The following COL7A1 variants were observed in gnomAD, a reference collection of about 807,000 sequenced individuals.
The protein encoded by COL7A1 is collagen alpha-1(VII) chain.
Under a neutral mutation model 456.2 loss-of-function variants are expected in COL7A1, and 296 were observed. That is an observed-to-expected ratio of 0.65 (90% CI 0.59 to 0.71). COL7A1 has a LOEUF of 0.71. Among genes scored for constraint, COL7A1 ranks in the 30% least tolerant of loss-of-function variants. The probability of loss-of-function intolerance (pLI) is 0.00; values close to 1 mark genes in which losing one functional copy is unlikely to be tolerated. For missense variants in COL7A1, 3,441 were observed against 4,017.2 expected, an observed-to-expected ratio of 0.86 and a Z score of 3.88; for synonymous variants, 1,464 against 1,525.9, an observed-to-expected ratio of 0.96 and a Z score of 0.95.
Position 48,567,140 on chromosome 3 carries a change from C to T in COL7A1, c.8097G>A (p.Glu2699=), listed in dbSNP as rs2043643291. ...GQPGPKGDQG[E]KGERGTPGIG... The stretch of plus-strand genomic sequence containing the variant: ...GGCTTCAACTCACCCGCTCCCCTTT[C>T]TCGCCCTGGTCACCCTTGGGGCCTG... The change falls in exon 110 of 119, where the codon GAG becomes GAA. Residue 2699 remains glutamate (E), a synonymous_variant. Transcript: ENST00000681320. This position sits in a 1 kb window ranked among gnomAD's most constrained non-coding sequence, Gnocchi z 4.3. 1 of 1,614,092 alleles carries T rather than the reference C, an allele frequency of 6.2e-7. No individual in the cohort carries two copies. Among genetic ancestry groups the T allele is most frequent in the Non-Finnish European group, 8.5e-7 (1 of 1,179,984 alleles).
chr3:48,585,723 T>C lies in COL7A1; in HGVS notation c.3798A>G (p.Gly1266=). The C allele has an allele frequency of 6.2e-7, 1 of 1,613,976 alleles. No homozygotes were observed. Among genetic ancestry groups the C allele is most frequent in the Non-Finnish European group, 8.5e-7 (1 of 1,179,998 alleles). Residue 1266 remains glycine (G), a synonymous_variant, in exon 31 of 119, where the codon GGA becomes GGG. Transcript: ENST00000681320. This position sits in a 1 kb window ranked among gnomAD's most constrained non-coding sequence, Gnocchi z 4.5. ...CAGGGTCGCCAGGAGGCCCAACTTGTCCTCTCAGGCCCTAGGAAGGGTAAT... is the reference window on the plus strand; with the variant it reads ...CAGGGTCGCCAGGAGGCCCAACTTGCCCTCTCAGGCCCTAGGAAGGGTAAT... ...KGEPGEMGLR[G]QVGPPGDPGL... is the part of the protein sequence containing the mutation.
chr3:48,593,689 A>C lies in COL7A1; in HGVS notation c.274T>G (p.Phe92Val). The part of the protein sequence containing the change: ...VQYSDDPRTE[F>V]GLDALGSGGD... ...CCAGAGCCAAGTGCATCCAGGCCGA[A>C]CTCTGTCCTGTTGGAGGGTAGGGGT... is the stretch of plus-strand genomic sequence containing the variant. The change falls in exon 4 of 119, where the codon TTC becomes GTC. Residue 92 changes from phenylalanine to valine, a missense_variant. Physicochemically the swap from Phe to Val is conservative, Grantham distance 50. Around this residue, in one of 3 missense-constraint regions of COL7A1, gnomAD observed 913 missense variants for 1,088.2 expected, o/e 0.84. Transcript: ENST00000681320. The surrounding 1 kb of genome is among the most constrained non-coding windows in gnomAD (Gnocchi z 4.4). 2 of 1,614,158 alleles carry C rather than the reference A, an allele frequency of 1.2e-6. No individual in the cohort carries two copies. Among genetic ancestry groups the C allele is most frequent in the Admixed American group, 1.7e-5 (1 of 60,020 alleles).
rs1393537369 is a variant in COL7A1 at position 48,565,562 on chromosome 3, C to A, written c.8441-66G>T. ...ATGGGCAGCCATCCCAGCCAACCCC[C>A]CTGAGAGGACCCCAGTTGATAGGCA... is the stretch of plus-strand genomic sequence containing the variant. On this transcript the variant is annotated intron_variant, in intron 115 of 118. Transcript: ENST00000681320. The surrounding 1 kb of genome is among the most constrained non-coding windows in gnomAD (Gnocchi z 4.5). The A allele has an allele frequency of 1.8e-5, 29 of 1,613,946 alleles. No individual in the cohort carries two copies. The highest frequency in any genetic ancestry group is 2.5e-5 in the Non-Finnish European group (29 of 1,179,960).
rs1417358926 is a variant in COL7A1, at chr3:48,583,949, G to A, written c.4229C>T (p.Pro1410Leu). The change falls in exon 39 of 119, where the codon CCC (proline) becomes CTC (leucine). Residue 1410 changes from proline (P) to leucine (L), a missense_variant. Physicochemically the swap from Pro to Leu is moderately conservative, Grantham distance 98. Transcript: ENST00000681320. The surrounding 1 kb of genome is among the most constrained non-coding windows in gnomAD (Gnocchi z 5.1). ...GDKGDRGERG[P>L]PGPGEGGIAP... Reference sequence around the variant, plus strand: ...AATGCCACCTTCACCTGGTCCAGGGGGACCCTGGGAGAGAACAGCAGGTCA... The same window carrying A: ...AATGCCACCTTCACCTGGTCCAGGGAGACCCTGGGAGAGAACAGCAGGTCA... The A allele has an allele frequency of 6.2e-7, 1 of 1,613,880 alleles. No homozygotes were observed. Among genetic ancestry groups the A allele is most frequent in the Non-Finnish European group, 8.5e-7 (1 of 1,180,008 alleles).
intron 71 of COL7A1, 93 bp downstream of exon 71, chr3:48,576,156 C>A: frequency 6.3e-7 from 1 of 1,578,602 alleles, no homozygotes; most frequent in Non-Finnish European, 8.7e-7. Context: ...AGCACAGAAC[C>A]TATGGAGCCT....
rs1356035288 is a variant in COL7A1 at position 48,584,026 on chromosome 3, C to T, written c.4224+9G>A. On this transcript the variant is annotated intron_variant, in intron 38 of 118. Coordinates refer to ENST00000681320, the MANE Select transcript of COL7A1 (RefSeq NM_000094.4). ...AAGCCACCCCTAGCACAACCTGTCC[C>T]TCACTTACCCGCTCCCCACGATCGC... 6.2e-7 allele frequency: 1 copy of T among 1,614,094 alleles called. No individual in the cohort carries two copies. Among genetic ancestry groups the T allele is most frequent in the Admixed American group, 1.7e-5 (1 of 60,020 alleles).
At position 48,585,051 on chromosome 3, in the gene COL7A1, T is replaced by TCCAGGGGTC; in HGVS notation, c.3951_3959dup (p.Thr1318_Gly1320dup). On this transcript the variant is annotated inframe_insertion, in exon 33 of 119. Coordinates refer to ENST00000681320, the MANE Select transcript of COL7A1 (RefSeq NM_000094.4). This position sits in a 1 kb window ranked among gnomAD's most constrained non-coding sequence, Gnocchi z 4.5. Reference sequence around the variant, plus strand: ...GCTTGCTCACCTTTAGGCCAGGGGCTCCAGGGGTCCCAGGATTCCCGGCGC... The same window carrying TCCAGGGGTC: ...GCTTGCTCACCTTTAGGCCAGGGGCTCCAGGGGTCCCAGGGGTCCCAGGATTCCCGGCGC... The TCCAGGGGTC allele has an allele frequency of 6.2e-7, 1 of 1,612,700 alleles. No individual in the cohort carries two copies. Among genetic ancestry groups the TCCAGGGGTC allele is most frequent in the African/African-American group, 1.3e-5 (1 of 74,874 alleles).
Position 48,591,995 on chromosome 3 carries a change from G to C in COL7A1, c.1260C>G (p.Thr420=). 2 of 1,614,208 alleles carry C rather than the reference G, an allele frequency of 1.2e-6. No homozygotes were observed. The highest frequency in any genetic ancestry group is 1.7e-6 in the Non-Finnish European group (2 of 1,180,042). Residue 420 remains threonine (T), a synonymous_variant, in exon 11 of 119, where the codon ACC becomes ACG. Coordinates refer to ENST00000681320, the MANE Select transcript of COL7A1 (RefSeq NM_000094.4). The surrounding 1 kb of genome is among the most constrained non-coding windows in gnomAD (Gnocchi z 7.0). ...TGGGGCCCAGGATGACCGGGCGCAG[G>C]GTCTGCTCAACAGAAGCGTCTGCCC... ...MARTDASVEQ[T]LRPVILGPTS... is the part of the protein sequence containing the mutation.
rs1206576149 is a variant in COL7A1, at chr3:48,587,238, C to T, written c.3091G>A (p.Val1031Ile). Residue 1031 changes from valine (V) to isoleucine (I), a missense_variant, in exon 24 of 119, where the codon GTC becomes ATC. Physicochemically the swap from Val to Ile is conservative, Grantham distance 29. This residue lies in a region of COL7A1 where 444 missense variants were observed against 427.6 expected (regional missense o/e 1.04). Coordinates refer to ENST00000681320, the MANE Select transcript of COL7A1 (RefSeq NM_000094.4). The surrounding 1 kb of genome is among the most constrained non-coding windows in gnomAD (Gnocchi z 6.1). The part of the protein sequence containing the change: ...GVSYIFSLTP[V>I]LDGVRGPEAS... ...TCAGGACCCCGCACACCATCCAGGA[C>T]AGGCGTCAGGGAGAAGATGTAAGAG... is the stretch of plus-strand genomic sequence containing the variant. 3 of 1,613,392 alleles carry T rather than the reference C, an allele frequency of 1.9e-6. No individual in the cohort carries two copies. Among genetic ancestry groups the T allele is most frequent in the Middle Eastern group, 3.3e-4 (2 of 6,084 alleles).
Position 48,584,771 on chromosome 3 carries a change from T to C in COL7A1, c.4012-2A>G. 1 of 1,613,970 alleles carries C rather than the reference T, an allele frequency of 6.2e-7. No individual in the cohort carries two copies. Among genetic ancestry groups the C allele is most frequent in the South Asian group, 1.1e-5 (1 of 91,086 alleles). The stretch of plus-strand genomic sequence containing the variant: ...TGGGCCTCGAGGTCCTCGCTCTCCC[T>C]GAGGACGAAACAGAGCAGAGGGTGG... On this transcript the variant is annotated splice_acceptor_variant, in intron 34 of 118. Transcript: ENST00000681320. LOFTEE classifies it high-confidence loss of function.
Position 48,568,658 on chromosome 3 carries a change from G to A in COL7A1, c.7759-124C>T. 1 of 1,476,388 alleles carries A rather than the reference G, an allele frequency of 6.8e-7. No homozygotes were observed. The allele number at this position is 1,476,388 out of a possible 1,614,324, so 91.5% of individuals were successfully genotyped here. A position where few individuals can be genotyped will look rare whatever the true frequency, so the allele number is the denominator to read the frequency against. On this transcript the variant is annotated intron_variant, in intron 104 of 118. Coordinates refer to ENST00000681320, the MANE Select transcript of COL7A1 (RefSeq NM_000094.4). The surrounding 1 kb of genome is among the most constrained non-coding windows in gnomAD (Gnocchi z 5.2). ...CCCAGGCCACACACAGATCCCGGGT[G>A]AACACACATGGGGCCGGCAGCAAGG...
At position 48,568,006 on chromosome 3, in the gene COL7A1, G is replaced by T; in HGVS notation, c.7875+84C>A. The stretch of plus-strand genomic sequence containing the variant: ...CAGCTACTCCAACCTCTGACCCAGT[G>T]CCCTAATATCTGACCCCAGGTCCCT... On this transcript the variant is annotated intron_variant, in intron 106 of 118. Transcript: ENST00000681320. The surrounding 1 kb of genome is among the most constrained non-coding windows in gnomAD (Gnocchi z 5.2). 1 of 1,598,446 alleles carries T rather than the reference G, an allele frequency of 6.3e-7. No homozygotes were observed. Among genetic ancestry groups the T allele is most frequent in the Non-Finnish European group, 8.6e-7 (1 of 1,165,944 alleles).
Position 48,585,663 on chromosome 3 carries a change from G to T in COL7A1, c.3831+27C>A, listed in dbSNP as rs1386808839. ...TAGGTGGGGATAAGCCAGTCAGGGT[G>T]CAGGGACAGATGTGGGGGACACTCA... is the stretch of plus-strand genomic sequence containing the variant. On this transcript the variant is annotated intron_variant, in intron 31 of 118. Coordinates refer to ENST00000681320, the MANE Select transcript of COL7A1 (RefSeq NM_000094.4). This position sits in a 1 kb window ranked among gnomAD's most constrained non-coding sequence, Gnocchi z 4.5. The T allele has an allele frequency of 6.8e-6, 11 of 1,613,938 alleles. No individual in the cohort carries two copies. The highest frequency in any genetic ancestry group is 9.3e-6 in the Non-Finnish European group (11 of 1,180,018).
At position 48,575,078 on chromosome 3, in the gene COL7A1, G is replaced by T. The variant is rs139920321; in HGVS notation, c.6265C>A (p.Pro2089Thr). ...GGGGTGATCACCTTGGGGCCAGGGGGTCCGGGGGGCCCAGGGGTTCCAGGG... is the reference window on the plus strand; with the variant it reads ...GGGGTGATCACCTTGGGGCCAGGGGTTCCGGGGGGCCCAGGGGTTCCAGGG... ...GLPGTPGPPGPPGPKVSVDEP... is the reference protein window; with the variant it reads ...GLPGTPGPPGTPGPKVSVDEP... The change falls in exon 76 of 119, where the codon CCC (proline) becomes ACC (threonine). Residue 2089 changes from proline (P) to threonine (T), a missense_variant. Pro to Thr is a conservative substitution (Grantham distance 38). This residue lies in a region of COL7A1 where 2,084 missense variants were observed against 2,501.3 expected (regional missense o/e 0.83). Transcript: ENST00000681320. This position sits in a 1 kb window ranked among gnomAD's most constrained non-coding sequence, Gnocchi z 6.3. 81 of 1,613,412 alleles carry T rather than the reference G, an allele frequency of 5.0e-5. No homozygotes were observed. The African/African-American group carries it at 7.2e-4, about 14-fold the overall frequency.
At position 48,574,653 on chromosome 3, in the gene COL7A1, T is replaced by C. The variant is rs758814805; in HGVS notation, c.6393+24A>G. ...GCCCCCAGAAAGGAGGGGGACTCTA[T>C]GGAAGGGTGGAGAGAGGCCTCACCC... is the stretch of plus-strand genomic sequence containing the variant. On this transcript the variant is annotated intron_variant, in intron 78 of 118. Transcript: ENST00000681320. This position sits in a 1 kb window ranked among gnomAD's most constrained non-coding sequence, Gnocchi z 5.0. 6.2e-7 allele frequency: 1 copy of C among 1,613,902 alleles called. No individual in the cohort carries two copies. The highest frequency in any genetic ancestry group is 1.7e-5 in the Admixed American group (1 of 60,028).
At position 48,571,985 on chromosome 3, in the gene COL7A1, T is replaced by C. The variant is rs1165881882; in HGVS notation, c.7068+16A>G. ...TCCTCAGGCCAGGCTCGCCCTTGCC[T>C]AGGCCCCGGACTCACATCTTCCCCA... On this transcript the variant is annotated intron_variant, in intron 92 of 118. Coordinates refer to ENST00000681320, the MANE Select transcript of COL7A1 (RefSeq NM_000094.4). This position sits in a 1 kb window ranked among gnomAD's most constrained non-coding sequence, Gnocchi z 4.6. 2 of 1,610,982 alleles carry C rather than the reference T, an allele frequency of 1.2e-6. No individual in the cohort carries two copies. The highest frequency in any genetic ancestry group is 1.7e-5 in the Admixed American group (1 of 59,714).
In COL7A1 at chr3:48,569,355, C is replaced by T. The variant is rs374295297; in HGVS notation, c.7686+20G>A. On this transcript the variant is annotated intron_variant, in intron 103 of 118. Transcript: ENST00000681320. This position sits in a 1 kb window ranked among gnomAD's most constrained non-coding sequence, Gnocchi z 4.9. ...CAGCCACAGGACCCCACAGAGAGTACACCACCCTCTTCCCTGTACCTTGTC... is the reference window on the plus strand; with the variant it reads ...CAGCCACAGGACCCCACAGAGAGTATACCACCCTCTTCCCTGTACCTTGTC... 30 of 1,613,022 alleles carry T rather than the reference C, an allele frequency of 1.9e-5. No individual in the cohort carries two copies. In the East Asian group the frequency reaches 4.2e-4, roughly 23 times the overall value.
Position 48,590,131 on chromosome 3 carries a change from A to G in COL7A1, c.2050+82T>C. ...AGGGGGAGGCAGGAGTTCTGGGGAGAAGCAAGGGTCTGCAAGGGAAGGCAT... is the reference window on the plus strand; with the variant it reads ...AGGGGGAGGCAGGAGTTCTGGGGAGGAGCAAGGGTCTGCAAGGGAAGGCAT... On this transcript the variant is annotated intron_variant, in intron 16 of 118. Transcript: ENST00000681320. The surrounding 1 kb of genome is among the most constrained non-coding windows in gnomAD (Gnocchi z 4.6). 6.6e-7 allele frequency: 1 copy of G among 1,510,862 alleles called. No individual in the cohort carries two copies. Among genetic ancestry groups the G allele is most frequent in the South Asian group, 1.2e-5 (1 of 83,566 alleles). The allele number at this position is 1,510,862 out of a possible 1,614,324, so 93.6% of individuals were successfully genotyped here. A position where few individuals can be genotyped will look rare whatever the true frequency, so the allele number is the denominator to read the frequency against.
chr3:48,576,761 C>A lies in COL7A1; in HGVS notation c.5615G>T (p.Gly1872Val), dbSNP rs1301341663. 1 of 1,613,328 alleles carries A rather than the reference C, an allele frequency of 6.2e-7. No homozygotes were observed. Among genetic ancestry groups the A allele is most frequent in the Non-Finnish European group, 8.5e-7 (1 of 1,179,748 alleles). The change falls in exon 68 of 119, where the codon GGC (glycine) becomes GTC (valine). Residue 1872 changes from glycine (G) to valine (V), a missense_variant. By Grantham distance (109) the Gly-to-Val change is moderately radical. This residue lies in a region of COL7A1 where 2,084 missense variants were observed against 2,501.3 expected (regional missense o/e 0.83). Transcript: ENST00000681320. The part of the protein sequence containing the change: ...SGASGREGRD[G>V]PKGERGAPGI... ...AGGAGCTCCACGCTCACCCTTGGGG[C>A]CATCACGACCCTGTGAAGGATGCAG...
Sources: allele counts gnomAD v4.1 joint callset, GRCh38; gene constraint gnomAD v4.1.1; regional missense constraint gnomAD v4.1.1; non-coding constraint Gnocchi (gnomAD v3.1); transcripts MANE v1.5; gene names NCBI Gene and HGNC (gene_info 2026-07-23, HGNC 2026-07-21).